The following UBE2D4 variants were observed in gnomAD, a reference collection of about 807,000 sequenced individuals.
UBE2D4 encodes the protein ubiquitin-conjugating enzyme E2 D4.
In UBE2D4, 17 loss-of-function variants were observed where a neutral mutation model predicts 23.0. That is an observed-to-expected ratio of 0.74 (90% CI 0.51 to 1.11). The LOEUF (loss-of-function observed/expected upper bound fraction) is 1.11. Ranked by LOEUF, UBE2D4 falls within the 50% of genes least tolerant of loss-of-function variation. The probability of loss-of-function intolerance (pLI) is 0.00; values close to 1 mark genes in which losing one functional copy is unlikely to be tolerated. For missense variants in UBE2D4, 139 were observed against 181.8 expected, an observed-to-expected ratio of 0.76 and a Z score of 1.35; for synonymous variants, 61 against 69.4, an observed-to-expected ratio of 0.88 and a Z score of 0.60.
At chr7:43,935,978 G>A (rs1245947903) in intron 1 of UBE2D4, among the ~76,000 whole-genome samples, 3 of 152,154 alleles carry the variant, frequency 2.0e-5, no homozygotes, top group South Asian at 2.1e-4. Flanking sequence ...CCTCTAAAGC[G>A]ATTCTTGTGC....
At chr7:43,928,694 A>C (rs1388048850) in intron 1 of UBE2D4, among the ~76,000 whole-genome samples, 1 of 152,142 alleles carries the variant, frequency 6.6e-6, no homozygotes, top group Admixed American at 6.5e-5. Context: ...ACATTGCAGA[A>C]GTGGAATTGA....
At chr7:43,933,021 C>A (rs375817457) in intron 1 of UBE2D4, among the ~76,000 whole-genome samples, 1 of 115,004 alleles carries the variant, frequency 8.7e-6, no homozygotes, top group Non-Finnish European at 1.8e-5. Context: ...TATACACACA[C>A]ATATATATAC....
intron 1 of UBE2D4, among the ~76,000 whole-genome samples, chr7:43,930,883 C>A (rs1479726284): frequency 2.0e-5 from 3 of 152,014 alleles, no homozygotes; most frequent in African/African-American, 7.3e-5. Flanking sequence ...TGTCTGTAAT[C>A]CCAGCATTTT....
intron 1 of UBE2D4, among the ~76,000 whole-genome samples, chr7:43,937,936 T>A (rs934739163): frequency 6.6e-6 from 1 of 152,074 alleles, no homozygotes; most frequent in Non-Finnish European, 1.5e-5. Context: ...GGGATGGTGG[T>A]TGGGGAGGTA....
chr7:43,937,272 A>G (rs889712655), intron 1 of UBE2D4, among the ~76,000 whole-genome samples: 2 of 152,204 alleles, frequency 1.3e-5, no homozygotes, highest in African/African-American at 4.8e-5. Context: ...GCAGTGTAGC[A>G]ATGAATATAA....
At chr7:43,943,439 G>T in intron 4 of UBE2D4, 1 of 261,320 alleles carries the variant, frequency 3.8e-6, no homozygotes, top group Non-Finnish European at 7.4e-6. Flanking sequence ...CAAAACCGTG[G>T]TGAGGGAGTA....
At chr7:43,943,082 G>C in intron 4 of UBE2D4, 51 bp downstream of exon 4, 2 of 1,577,596 alleles carry the variant, frequency 1.3e-6, no homozygotes, top group South Asian at 2.2e-5. Context: ...GACAGCATGT[G>C]ACAAGGGGCC....
chr7:43,938,109 G>A (rs1316576081), intron 1 of UBE2D4, among the ~76,000 whole-genome samples: 1 of 152,112 alleles, frequency 6.6e-6, no homozygotes, highest in Non-Finnish European at 1.5e-5. Flanking sequence ...ACCTGAGGAG[G>A]TAGGAGGCTA....
At position 43,953,655 on chromosome 7, in the gene UBE2D4, C is replaced by G. The variant is rs933797917; in HGVS notation, c.*960C>G. 3 of 157,986 alleles carry G rather than the reference C, an allele frequency of 1.9e-5. No individual in the cohort carries two copies. The highest frequency in any genetic ancestry group is 4.2e-5 in the Non-Finnish European group (3 of 71,164). 9.8% of individuals were successfully genotyped at this position (157,986 alleles called of 1,614,324 possible). A position where few individuals can be genotyped will look rare whatever the true frequency, so the allele number is the denominator to read the frequency against. On this transcript the variant is annotated 3_prime_UTR_variant, in exon 7 of 7. Coordinates refer to ENST00000222402, the MANE Select transcript of UBE2D4 (RefSeq NM_015983.4). ...TATTTGAAGCCTTAAATTACAATAG[C>G]CTGTTAGGTGATCGGCTTTCTGCCT...
At chr7:43,950,498 C>A in intron 5 of UBE2D4, 101 bp from the exon 6 acceptor site, 2 of 863,208 alleles carry the variant, frequency 2.3e-6, no homozygotes, top group Non-Finnish European at 3.8e-6. Flanking sequence ...GGGAAGACAA[C>A]TGCTTGGTCA....
intron 2 of UBE2D4, among the ~76,000 whole-genome samples, chr7:43,940,202 G>T (rs1435499319): frequency 6.6e-6 from 1 of 152,104 alleles, no homozygotes; most frequent in African/African-American, 2.4e-5. Flanking sequence ...CTCATTTCTG[G>T]AGCAGAGCAG....
chr7:43,942,743 C>T (rs1189959272), intron 2 of UBE2D4, 83 bp from the exon 3 acceptor site: 7 of 1,590,914 alleles, frequency 4.4e-6, no homozygotes, highest in Non-Finnish European at 5.2e-6. Flanking sequence ...AGACAGTGCG[C>T]TGTAATTTAG....
rs1340458201 is a variant in UBE2D4 at position 43,933,013 on chromosome 7, T to TATATATATATATATACAC, written c.25-5417_25-5416insTATATATATATATACACA. Reference sequence around the variant, plus strand: ...ATATATATATATATATATATATATATACACACACATATATATACACATATG... The same window carrying TATATATATATATATACAC: ...ATATATATATATATATATATATATATATATATATATATATACACACACACACATATATATACACATATG... On this transcript the variant is annotated intron_variant, in intron 1 of 6. Coordinates refer to ENST00000222402, the MANE Select transcript of UBE2D4 (RefSeq NM_015983.4). Among the ~76,000 whole-genome samples the TATATATATATATATACAC allele has an allele frequency of 1.7e-3, 194 of 116,616 alleles. 6 individuals are homozygous for TATATATATATATATACAC. The highest frequency in any genetic ancestry group is 5.8e-3 in the African/African-American group (171 of 29,490). 76.5% of individuals were successfully genotyped at this position (116,616 alleles called of 152,430 possible).
rs920447079 is a variant in UBE2D4, at chr7:43,932,984, G to A, written c.25-5447G>A. On this transcript the variant is annotated intron_variant, in intron 1 of 6. Transcript: ENST00000222402. ...CCTCCTGGGGGCAACAAATGTTAAA[G>A]TATATATATATATATATATATATAT... 2.7e-4 allele frequency among the ~76,000 whole-genome samples: 23 copies of A among 85,788 alleles called. 1 individual carries two copies. The South Asian group carries it at 3.0e-3, about 11-fold the overall frequency. The allele number at this position is 85,788 out of a possible 152,430, so 56.3% of individuals were successfully genotyped here.
chr7:43,948,776 A>G (rs1163071261), intron 5 of UBE2D4, 39 bp downstream of exon 5: 1 of 1,464,306 alleles, frequency 6.8e-7, no homozygotes, highest in Admixed American at 1.7e-5. Flanking sequence ...GCTCTTTTAC[A>G]CATGTTTTTA....
chr7:43,942,193 G>C (rs1459027593), intron 2 of UBE2D4: 2 of 154,158 alleles, frequency 1.3e-5, no homozygotes, highest in Non-Finnish European at 2.9e-5. Flanking sequence ...GCACACACCT[G>C]TTGTCCCAGC....
chr7:43,946,416 C>G (rs1486938279), intron 4 of UBE2D4: 1 of 152,194 alleles, frequency 6.6e-6, no homozygotes, highest in African/African-American at 2.4e-5. Flanking sequence ...CTAGCCACGC[C>G]TGGCCCCCCC....
intron 1 of UBE2D4, 32 bp from the exon 2 acceptor site, chr7:43,938,399 C>G (rs369404863): frequency 6.2e-7 from 1 of 1,606,602 alleles, no homozygotes; most frequent in Non-Finnish European, 8.5e-7. Context: ...CCCCAGCATA[C>G]AGCAGCTCTG....
rs1021993028 is a variant in UBE2D4 at position 43,955,160 on chromosome 7, G to A, written c.*2465G>A. The A allele has an allele frequency of 6.6e-6, 1 of 152,094 alleles. No homozygotes were observed. Among genetic ancestry groups the A allele is most frequent in the African/African-American group, 2.4e-5 (1 of 41,412 alleles). 9.4% of individuals were successfully genotyped at this position (152,094 alleles called of 1,614,324 possible). A position where few individuals can be genotyped will look rare whatever the true frequency, so the allele number is the denominator to read the frequency against. On this transcript the variant is annotated 3_prime_UTR_variant, in exon 7 of 7. Transcript: ENST00000222402. ...GTCAGCCTGGAGAACAGGCTCCTTA[G>A]GTCAAAAACCTTGTTTTAAGAGCCA...
Sources: allele counts gnomAD v4.1 joint callset (sites outside exome capture counted in the v4.1 genomes callset), GRCh38; gene constraint gnomAD v4.1.1; transcripts MANE v1.5; gene names NCBI Gene and HGNC (gene_info 2026-07-23, HGNC 2026-07-21).